The following ZNF143 variants were observed in gnomAD, a reference collection of about 807,000 sequenced individuals.
ZNF143 encodes zinc finger protein 143.
A neutral mutation model predicts 74.1 loss-of-function variants in ZNF143; 49 were observed. The ratio of observed to expected loss-of-function variants is 0.66; its 90% CI spans 0.53 to 0.84. The LOEUF is 0.84. Ranked by LOEUF, ZNF143 falls within the 40% of genes least tolerant of loss-of-function variation. The probability of loss-of-function intolerance (pLI) is 0.00; values close to 1 mark genes in which losing one functional copy is unlikely to be tolerated. For synonymous variants in ZNF143, 304 were observed against 282.8 expected, an observed-to-expected ratio of 1.07 and a Z score of -0.75; for missense variants, 637 against 793.4, an observed-to-expected ratio of 0.80 and a Z score of 2.37.
At chr11:9,481,313 G>C (rs187695451) in intron 7 of ZNF143, among the ~76,000 whole-genome samples, 1 of 152,072 alleles carries the variant, frequency 6.6e-6, no homozygotes, top group African/African-American at 2.4e-5. Context: ...CCTTGAGCCC[G>C]TGGTTTGAAG....
At chr11:9,523,509 G>A (rs575999448) in intron 14 of ZNF143, among the ~76,000 whole-genome samples, 7 of 152,112 alleles carry the variant, frequency 4.6e-5, no homozygotes, top group South Asian at 2.1e-4. Context: ...TGAGGCGGGC[G>A]GATCACGAGG....
At chr11:9,524,878 C>T (rs981768361) in intron 14 of ZNF143, among the ~76,000 whole-genome samples, 12 of 151,944 alleles carry the variant, frequency 7.9e-5, no homozygotes, top group African/African-American at 2.9e-4. Flanking sequence ...GAGCCAATCT[C>T]AGGAAAAAAA....
chr11:9,486,437 AT>A (rs1847541147), intron 7 of ZNF143, among the ~76,000 whole-genome samples: 1 of 45,502 alleles, frequency 2.2e-5, no homozygotes, highest in Non-Finnish European at 4.5e-5. Context: ...TATTATATAT[AT>A]AATATATTAT....
chr11:9,484,788 A>G (rs1193654508), intron 7 of ZNF143, among the ~76,000 whole-genome samples: 21 of 65,254 alleles, frequency 3.2e-4, no homozygotes, highest in South Asian at 1.4e-3. Context: ...GAGCCACCGC[A>G]CCTGGCCAAA....
rs1855786450 is a variant in ZNF143, at chr11:9,461,083, A to C, written c.-8+7A>C. 1.0e-6 allele frequency: 1 copy of C among 985,576 alleles called. No homozygotes were observed. The highest frequency in any genetic ancestry group is 1.2e-6 in the Non-Finnish European group (1 of 829,896). 61.1% of individuals were successfully genotyped at this position (985,576 alleles called of 1,614,324 possible). A position where few individuals can be genotyped will look rare whatever the true frequency, so the allele number is the denominator to read the frequency against. ...TTGGAAAATTTTCTCGGAGGTTCGTATATAAATGTGTTTTTACCCAGTGTG... is the reference window on the plus strand; with the variant it reads ...TTGGAAAATTTTCTCGGAGGTTCGTCTATAAATGTGTTTTTACCCAGTGTG... On this transcript the variant is annotated splice_region_variant and intron_variant, in intron 1 of 15. Coordinates refer to ENST00000396602, the MANE Select transcript of ZNF143 (RefSeq NM_003442.6).
intron 3 of ZNF143, among the ~76,000 whole-genome samples, chr11:9,473,315 C>G (rs1189902091): frequency 6.7e-6 from 1 of 149,730 alleles, no homozygotes; most frequent in East Asian, 2.0e-4. Context: ...CGCTTGAACC[C>G]GGGAGGCAGA....
At chr11:9,496,501 GTC>G (rs1345370413) in intron 9 of ZNF143, 123 bp downstream of exon 9, 4 of 783,818 alleles carry the variant, frequency 5.1e-6, no homozygotes, top group Non-Finnish European at 8.5e-6. Context: ...CAGTTTTTCA[GTC>G]TCTCTCATAA....
At chr11:9,507,534 T>A (rs1448561923) in intron 11 of ZNF143, among the ~76,000 whole-genome samples, 2 of 152,174 alleles carry the variant, frequency 1.3e-5, no homozygotes, top group Admixed American at 1.3e-4. Context: ...CCCCTCACTC[T>A]CGCCACTGAG....
At position 9,527,573 on chromosome 11, in the gene ZNF143, C is replaced by G. The variant is rs1849174082; in HGVS notation, c.1877C>G (p.Ser626Cys). The change falls in exon 16 of 16, where the codon TCT (serine) becomes TGT (cysteine). Residue 626 changes from serine (S) to cysteine (C), a missense_variant. This residue lies in a region of ZNF143 where 344 missense variants were observed against 485.6 expected (regional missense o/e 0.71). Transcript: ENST00000396602. ...CTGGAAGAAGCCATCAGAATAGCGT[C>G]TAGAATCCAACAAGGAGAAACGCCA... ...PSLEEAIRIA[S>C]RIQQGETPGL... 1 of 1,613,672 alleles carries G rather than the reference C, an allele frequency of 6.2e-7. No individual in the cohort carries two copies.
chr11:9,500,331 C>CTT (rs11327903), intron 10 of ZNF143, among the ~76,000 whole-genome samples: 31 of 143,252 alleles, frequency 2.2e-4, no homozygotes, highest in Admixed American at 1.3e-3. Context: ...ACTAGATTTT[C>CTT]TTTTTTTTTT....
At chr11:9,509,161 TAGAG>T (rs1848458038) in intron 12 of ZNF143, among the ~76,000 whole-genome samples, 1 of 152,070 alleles carries the variant, frequency 6.6e-6, no homozygotes, top group Admixed American at 6.6e-5. Flanking sequence ...ATGTTCCAAA[TAGAG>T]AGAATGGCAC....
Position 9,494,877 on chromosome 11 carries a change from T to TACTG in ZNF143, c.765+113_765+116dup. 4 of 1,135,964 alleles carry TACTG rather than the reference T, an allele frequency of 3.5e-6. 1 individual carries two copies. In the South Asian group the frequency reaches 6.3e-5, roughly 18 times the overall value. 70.4% of individuals were successfully genotyped at this position (1,135,964 alleles called of 1,614,324 possible). ...CACTGTTTTCTCCCAGTTATCAAGA[T>TACTG]ACTGGCACTTGGTCACACTCATACA... On this transcript the variant is annotated intron_variant, in intron 8 of 15. Transcript: ENST00000396602.
In ZNF143 at chr11:9,527,766, C is replaced by G; in HGVS notation, c.*153C>G. On this transcript the variant is annotated 3_prime_UTR_variant, in exon 16 of 16. Transcript: ENST00000396602. ...AGAGTGGAGAACATTTTATTCTTGA[C>G]ACTTTTGTGTATATAACCCTTGGAA... The G allele has an allele frequency of 1.5e-6, 1 of 646,846 alleles. No individual in the cohort carries two copies. Among genetic ancestry groups the G allele is most frequent in the Non-Finnish European group, 2.7e-6 (1 of 374,918 alleles). 40.1% of individuals were successfully genotyped at this position (646,846 alleles called of 1,614,324 possible).
chr11:9,522,065 CAAAA>C (rs34484384), intron 14 of ZNF143, among the ~76,000 whole-genome samples: 11 of 97,558 alleles, frequency 1.1e-4, no homozygotes, highest in Admixed American at 3.2e-4. Flanking sequence ...GACCCTGTCT[CAAAA>C]AAAAAAAAAA....
At chr11:9,505,475 G>T (rs900332746) in intron 11 of ZNF143, among the ~76,000 whole-genome samples, 6 of 149,858 alleles carry the variant, frequency 4.0e-5, no homozygotes, top group Non-Finnish European at 8.9e-5. Flanking sequence ...TCACCATGTT[G>T]GCCCAGCTGA....
At chr11:9,519,919 C>G (rs1469410536) in intron 14 of ZNF143, among the ~76,000 whole-genome samples, 1 of 151,738 alleles carries the variant, frequency 6.6e-6, no homozygotes, top group Admixed American at 6.6e-5. Flanking sequence ...GGCGCAGTGG[C>G]TCACACCTGT....
chr11:9,484,973 AT>A (rs1207022672), intron 7 of ZNF143, among the ~76,000 whole-genome samples: 1 of 148,584 alleles, frequency 6.7e-6, no homozygotes, highest in Non-Finnish European at 1.5e-5. Flanking sequence ...AATTTTTTGT[AT>A]TTTTAGTAGA....
At chr11:9,519,943 T>G (rs757003080) in intron 14 of ZNF143, among the ~76,000 whole-genome samples, 42 of 151,714 alleles carry the variant, frequency 2.8e-4, no homozygotes, top group Non-Finnish European at 4.3e-4. Context: ...CCCAGCACTT[T>G]GGGAGGCCAA....
Position 9,478,466 on chromosome 11 carries a change from A to G in ZNF143, c.450A>G (p.Gln150=). The change falls in exon 6 of 16, where the codon CAA becomes CAG. Residue 150 remains glutamine (Q), a synonymous_variant. Coordinates refer to ENST00000396602, the MANE Select transcript of ZNF143 (RefSeq NM_003442.6). ...GTTAYIHHAV[Q]VPQSDTILAI... Reference sequence around the variant, plus strand: ...CAGCTTATATCCACCATGCAGTGCAAGTCCCGCAGTCTGACACCATCTTGG... The same window carrying G: ...CAGCTTATATCCACCATGCAGTGCAGGTCCCGCAGTCTGACACCATCTTGG... The G allele has an allele frequency of 3.1e-6, 5 of 1,614,204 alleles. No individual in the cohort carries two copies. The highest frequency in any genetic ancestry group is 2.5e-6 in the Non-Finnish European group (3 of 1,180,038).
Sources: allele counts gnomAD v4.1 joint callset (sites outside exome capture counted in the v4.1 genomes callset), GRCh38; gene constraint gnomAD v4.1.1; regional missense constraint gnomAD v4.1.1; transcripts MANE v1.5; gene names NCBI Gene and HGNC (gene_info 2026-07-23, HGNC 2026-07-21).